FIRRM: variants seen among roughly 807,000 people sequenced by gnomAD.
FIRRM encodes the protein FIGNL1 interacting regulator of recombination and mitosis.
At chr1:169,795,077 T>G in the FIRRM span, 3 of 1,523,558 alleles carry the variant, frequency 2.0e-6, no homozygotes, top group South Asian at 2.4e-5. Context: ...CGGGTCTGGT[T>G]TGAAGCTCTC....
chr1:169,830,317 T>C, the FIRRM span: 1 of 1,613,792 alleles, frequency 6.2e-7, no homozygotes, highest in African/African-American at 1.3e-5. Context: ...TTGTTAGCTA[T>C]GGATGCATGG....
At chr1:169,839,154 C>G in the FIRRM span, among the ~76,000 whole-genome samples, 1 of 152,082 alleles carries the variant, frequency 6.6e-6, no homozygotes, top group Non-Finnish European at 1.5e-5. Flanking sequence ...TATATATGTA[C>G]CACATTTTCT....
At chr1:169,833,274 G>A in the FIRRM span, among the ~76,000 whole-genome samples, 1 of 152,052 alleles carries the variant, frequency 6.6e-6, no homozygotes, top group South Asian at 2.1e-4. Context: ...TCTGTGGATG[G>A]GTGGGTATGG....
At chr1:169,832,350 C>A in the FIRRM span, 6 of 1,093,974 alleles carry the variant, frequency 5.5e-6, no homozygotes, top group South Asian at 1.3e-5. Context: ...TTGGCATATT[C>A]TCTTCTTGTA....
the FIRRM span, among the ~76,000 whole-genome samples, chr1:169,823,172 A>T: frequency 1.3e-5 from 2 of 151,750 alleles, no homozygotes; most frequent in Non-Finnish European, 1.5e-5. Context: ...AATTGCTTGA[A>T]CCTGGGAGGC....
At chr1:169,823,511 G>A in the FIRRM span, 1 of 1,287,956 alleles carries the variant, frequency 7.8e-7, no homozygotes, top group South Asian at 1.3e-5. Context: ...ATACAACAAT[G>A]CCATCTGTGC....
the FIRRM span, among the ~76,000 whole-genome samples, chr1:169,836,330 T>C: frequency 1.3e-5 from 2 of 152,226 alleles, no homozygotes; most frequent in Non-Finnish European, 2.9e-5. Flanking sequence ...AACAGTACTT[T>C]TCTGTTAACC....
the FIRRM span, among the ~76,000 whole-genome samples, chr1:169,813,077 A>T: frequency 1.3e-5 from 2 of 152,180 alleles, no homozygotes; most frequent in Non-Finnish European, 2.9e-5. Context: ...TGTTATTTTC[A>T]TATGAAATAA....
At chr1:169,833,234 C>T in the FIRRM span, among the ~76,000 whole-genome samples, 1 of 152,108 alleles carries the variant, frequency 6.6e-6, no homozygotes, top group African/African-American at 2.4e-5. Context: ...TGTAGGAGCT[C>T]TTTTAAAAAT....
the FIRRM span, chr1:169,799,031 G>T: frequency 1.1e-5 from 6 of 562,184 alleles, no homozygotes; most frequent in Admixed American, 1.6e-4. Flanking sequence ...CTCGGTAGAT[G>T]TGTTCTTACA....
chr1:169,846,065 G>T, the FIRRM span, among the ~76,000 whole-genome samples: 21 of 152,342 alleles, frequency 1.4e-4, no homozygotes, highest in African/African-American at 4.8e-4. Flanking sequence ...AATGACTGTT[G>T]TATTAACAAA....
At chr1:169,819,957 C>G in the FIRRM span, among the ~76,000 whole-genome samples, 1 of 152,166 alleles carries the variant, frequency 6.6e-6, no homozygotes, top group Non-Finnish European at 1.5e-5. Context: ...TTCCATTGTT[C>G]TTTCCAGAAG....
chr1:169,795,140 C>T, the FIRRM span: 12 of 1,536,022 alleles, frequency 7.8e-6, no homozygotes, highest in Non-Finnish European at 9.6e-6. Flanking sequence ...AGCGCGGTTC[C>T]CCTGGAAGAA....
chr1:169,824,798 C>T, the FIRRM span, among the ~76,000 whole-genome samples: 1 of 152,196 alleles, frequency 6.6e-6, no homozygotes, highest in Admixed American at 6.5e-5. Flanking sequence ...GGTTTCTCTT[C>T]TAAGTTAAGT....
the FIRRM span, chr1:169,849,748 T>C: frequency 1.6e-6 from 1 of 629,572 alleles, no homozygotes. Flanking sequence ...CGTTATCTCT[T>C]TTACAGCTTC....
chr1:169,831,874 A>G, the FIRRM span, among the ~76,000 whole-genome samples: 1 of 152,104 alleles, frequency 6.6e-6, no homozygotes, highest in East Asian at 1.9e-4. Context: ...CTCCTCCCTC[A>G]CCCTGCTGAG....
chr1:169,851,682 T>C, the FIRRM span: 1 of 959,864 alleles, frequency 1.0e-6, no homozygotes, highest in Non-Finnish European at 1.6e-6. Flanking sequence ...TAAGAGTATT[T>C]ATAGATCAGT....
the FIRRM span, chr1:169,803,095 C>A: frequency 2.2e-6 from 3 of 1,356,132 alleles, no homozygotes; most frequent in Non-Finnish European, 3.1e-6. Context: ...ATTTGTAGCA[C>A]CCAGCATGCT....
At chr1:169,829,568 A>G in the FIRRM span, 2 of 915,262 alleles carry the variant, frequency 2.2e-6, no homozygotes, top group South Asian at 2.5e-5. Context: ...TTTGAGTGAA[A>G]CTTAGTTGTG....
Sources: gnomAD v4.1 joint callset for allele counts (sites outside exome capture counted in the v4.1 genomes callset) on GRCh38, gnomAD v4.1.1 for gene constraint, MANE v1.5 for transcripts, NCBI Gene and HGNC (gene_info 2026-07-23, HGNC 2026-07-21) for gene names.